GCSAML: variants seen among roughly 807,000 people sequenced by gnomAD.
The protein encoded by GCSAML is germinal center associated signaling and motility like, also known as germinal center-associated signaling and motility-like protein.
Under a neutral mutation model 13.0 loss-of-function variants are expected in GCSAML, and 9 were observed. That is an observed-to-expected ratio of 0.69 (90% CI 0.42 to 1.21). The LOEUF (loss-of-function observed/expected upper bound fraction) is 1.21, where lower values mean the gene tolerates loss of function less well. GCSAML is among the 50% of genes most tolerant of loss of function. GCSAML has a pLI of 0.00. For missense variants in GCSAML, 143 were observed against 153.4 expected, an observed-to-expected ratio of 0.93 and a Z score of 0.36; for synonymous variants, 37 against 52.9, an observed-to-expected ratio of 0.70 and a Z score of 1.31.
Position 247,575,529 on chromosome 1 carries a change from T to C in GCSAML, c.*1147T>C, listed in dbSNP as rs1444000623. The C allele has an allele frequency of 6.6e-6, 1 of 152,202 alleles. No homozygotes were observed. The highest frequency in any genetic ancestry group is 1.5e-5 in the Non-Finnish European group (1 of 68,042). The allele number at this position is 152,202 out of a possible 1,614,324, so 9.4% of individuals were successfully genotyped here. A position where few individuals can be genotyped will look rare whatever the true frequency, so the allele number is the denominator to read the frequency against. On this transcript the variant is annotated 3_prime_UTR_variant, in exon 5 of 5. Coordinates refer to ENST00000366488, the MANE Select transcript of GCSAML (RefSeq NM_145278.5). ...CTTCAATTTTTCTTTTTCTATGTAC[T>C]GGATATTTTTGCATATAAACTTGCA... is the stretch of plus-strand genomic sequence containing the variant.
chr1:247,524,344 A>G (rs1473602361), intron 1 of GCSAML, among the ~76,000 whole-genome samples: 1 of 151,514 alleles, frequency 6.6e-6, no homozygotes, highest in Non-Finnish European at 1.5e-5. Context: ...GATACTGGCT[A>G]CTCCCTCCCC....
At chr1:247,546,752 C>T (rs530129691), upstream of GCSAML, among the ~76,000 whole-genome samples, 15 of 152,002 alleles carry the variant, frequency 9.9e-5, no homozygotes, top group East Asian at 2.9e-3. Context: ...TCAATGGGTG[C>T]ATGTTTGTTT....
Position 247,574,542 on chromosome 1 carries a change from G to A in GCSAML, c.*160G>A, listed in dbSNP as rs1185406446. On this transcript the variant is annotated 3_prime_UTR_variant, in exon 5 of 5. Coordinates refer to ENST00000366488, the MANE Select transcript of GCSAML (RefSeq NM_145278.5). Reference sequence around the variant, plus strand: ...TATCCTTAGGCAACTCTGATATGTGGCATCTCTGTGGCTTAGGTGAAATCA... The same window carrying A: ...TATCCTTAGGCAACTCTGATATGTGACATCTCTGTGGCTTAGGTGAAATCA... 6 of 682,938 alleles carry A rather than the reference G, an allele frequency of 8.8e-6. No individual in the cohort carries two copies. Among genetic ancestry groups the A allele is most frequent in the Non-Finnish European group, 1.4e-5 (6 of 417,560 alleles). The allele number at this position is 682,938 out of a possible 1,614,324, so 42.3% of individuals were successfully genotyped here.
At chr1:247,540,546 C>T (rs554564680) in intron 2 of GCSAML, among the ~76,000 whole-genome samples, 16 of 152,356 alleles carry the variant, frequency 1.1e-4, no homozygotes, top group Non-Finnish European at 1.8e-4. Flanking sequence ...AATAGAAGCT[C>T]ATGAAGGCAG....
chr1:247,551,763 G>C (rs565348759), intron 1 of GCSAML, among the ~76,000 whole-genome samples: 2 of 152,314 alleles, frequency 1.3e-5, no homozygotes, highest in African/African-American at 4.8e-5. Flanking sequence ...CCATTTCTAT[G>C]CTTAGGTTCA....
intron 2 of GCSAML, among the ~76,000 whole-genome samples, chr1:247,542,426 A>C (rs1387699732): frequency 2.0e-5 from 3 of 152,222 alleles, no homozygotes; most frequent in Non-Finnish European, 4.4e-5. Flanking sequence ...GAAGGAAATA[A>C]TTGCACAGAA....
At chr1:247,562,628 C>A (rs1668173011) in intron 2 of GCSAML, among the ~76,000 whole-genome samples, 1 of 152,112 alleles carries the variant, frequency 6.6e-6, no homozygotes, top group Non-Finnish European at 1.5e-5. Context: ...CCTAGCTGTC[C>A]TTGAGGCAGG....
intron 4 of GCSAML, among the ~76,000 whole-genome samples, chr1:247,572,403 G>A (rs997151092): frequency 2.6e-5 from 4 of 152,082 alleles, no homozygotes. Flanking sequence ...TGTCCTTTTT[G>A]TTGATGTTGA....
At position 247,537,015 on chromosome 1, in the gene GCSAML, AG is replaced by A. The variant is rs1667242267; in HGVS notation, c.-148+9962del. Among the ~76,000 whole-genome samples, 4 of 152,330 alleles carry A rather than the reference AG, an allele frequency of 2.6e-5. No individual in the cohort carries two copies. In the South Asian group the frequency reaches 8.3e-4, roughly 32 times the overall value. On this transcript the variant is annotated intron_variant, in intron 2 of 5. Coordinates refer to the GCSAML transcript ENST00000366489. ...TCATTGTAACTATTTTAAGTGTGCAAGTCAGTGGAATTAAGTTCTTTCACAA... is the reference window on the plus strand; with the variant it reads ...TCATTGTAACTATTTTAAGTGTGCAATCAGTGGAATTAAGTTCTTTCACAA...
upstream of GCSAML, chr1:247,549,062 G>T: frequency 6.2e-7 from 1 of 1,600,706 alleles, no homozygotes; most frequent in Non-Finnish European, 8.5e-7. Flanking sequence ...GCAGCTCGTG[G>T]TTGGCAAGAG....
chr1:247,543,314 A>T (rs1341756761), intron 2 of GCSAML, among the ~76,000 whole-genome samples: 1 of 152,232 alleles, frequency 6.6e-6, no homozygotes, highest in Non-Finnish European at 1.5e-5. Context: ...TACTACAATA[A>T]GGTATTTTGA....
chr1:247,514,220 C>A (rs1038962456), intron 1 of GCSAML, among the ~76,000 whole-genome samples: 1 of 152,200 alleles, frequency 6.6e-6, no homozygotes, highest in Non-Finnish European at 1.5e-5. Context: ...ACCTCATGAT[C>A]TGCCCACCTT....
At chr1:247,532,692 G>A in intron 2 of GCSAML, 1 of 621,286 alleles carries the variant, frequency 1.6e-6, no homozygotes, top group South Asian at 2.1e-5. Context: ...AAACTCTTGG[G>A]ATCAAGCAAT....
intron 1 of GCSAML, among the ~76,000 whole-genome samples, chr1:247,520,757 C>T (rs1192349173): frequency 6.6e-6 from 1 of 152,030 alleles, no homozygotes; most frequent in Non-Finnish European, 1.5e-5. Context: ...ACAGTCTTTC[C>T]TTATATTTTC....
chr1:247,562,697 T>TGA (rs1668175707), intron 2 of GCSAML, among the ~76,000 whole-genome samples: 2 of 152,168 alleles, frequency 1.3e-5, no homozygotes, highest in Admixed American at 1.3e-4. Flanking sequence ...GGAGTCTGAC[T>TGA]GACAGAGAAA....
Position 247,512,888 on chromosome 1 carries a change from C to T in GCSAML, c.-263+5655C>T, listed in dbSNP as rs568239933. Among the ~76,000 whole-genome samples, 303 of 152,284 alleles carry T rather than the reference C, an allele frequency of 2.0e-3. 1 individual carries two copies. Among genetic ancestry groups the T allele is most frequent in the African/African-American group, 6.9e-3 (286 of 41,562 alleles). ...TGCCTGTTCGTTCCTCTGGAAGCGTCGTCCCAGAGAAGCACCCACCAGATG... is the reference window on the plus strand; with the variant it reads ...TGCCTGTTCGTTCCTCTGGAAGCGTTGTCCCAGAGAAGCACCCACCAGATG... On this transcript the variant is annotated intron_variant, in intron 1 of 5. Transcript: ENST00000366489.
At chr1:247,515,378 A>G (rs556042980) in intron 1 of GCSAML, among the ~76,000 whole-genome samples, 7 of 152,366 alleles carry the variant, frequency 4.6e-5, no homozygotes, top group African/African-American at 1.2e-4. Flanking sequence ...ATGTGCAAGA[A>G]TATATTTAGA....
rs529186091 is a variant in GCSAML, at chr1:247,549,467, A to G, written c.29+247A>G. ...ATGCTAAGTCACATTCAAATTCCAG[A>G]AAAACATTTTTTTTTTTAGTATGAA... On this transcript the variant is annotated intron_variant, in intron 1 of 4. Coordinates refer to ENST00000366488, the MANE Select transcript of GCSAML (RefSeq NM_145278.5). Among the ~76,000 whole-genome samples the G allele has an allele frequency of 1.5e-4, 23 of 152,296 alleles. No homozygotes were observed. The South Asian group carries it at 4.8e-3, about 32-fold the overall frequency.
intron 1 of GCSAML, among the ~76,000 whole-genome samples, chr1:247,521,324 AGTCTCCCTCTCCCTCTCCACG>A (rs1317693302): frequency 1.2e-4 from 16 of 138,690 alleles, no homozygotes; most frequent in South Asian, 7.3e-4. Context: ...CTCCCTCTCC[AGTCTCCCTCTCCCTCTCCACG>A]GTCTCCCTCT....
Sources: allele counts gnomAD v4.1 joint callset (sites outside exome capture counted in the v4.1 genomes callset), GRCh38; gene constraint gnomAD v4.1.1; transcripts MANE v1.5; gene names NCBI Gene and HGNC (gene_info 2026-07-23, HGNC 2026-07-21).